The following PLCB1 variants were observed in gnomAD, a reference collection of about 807,000 sequenced individuals.
PLCB1 encodes 1-phosphatidylinositol 4,5-bisphosphate phosphodiesterase beta-1.
Under a neutral mutation model 161.8 loss-of-function variants are expected in PLCB1, and 46 were observed. The ratio of observed to expected loss-of-function variants is 0.28; its 90% CI spans 0.22 to 0.36. The LOEUF (loss-of-function observed/expected upper bound fraction) is 0.36, where lower values mean the gene tolerates loss of function less well. PLCB1 is among the 10% of genes least tolerant of loss of function. The pLI is 1.00. For synonymous variants in PLCB1, 517 were observed against 503.7 expected (o/e 1.03, Z -0.35); for missense variants, 1,016 against 1,472.5 (o/e 0.69, Z 5.07).
chr20:8,799,563 T>G (rs978839505), intron 31 of PLCB1, among the ~76,000 whole-genome samples: 7 of 152,204 alleles, frequency 4.6e-5, no homozygotes, highest in Non-Finnish European at 7.3e-5. Context: ...GTGAAAATTA[T>G]CAAACACACA....
intron 2 of PLCB1, among the ~76,000 whole-genome samples, chr20:8,365,755 T>A (rs1434859452): frequency 6.6e-6 from 1 of 152,184 alleles, no homozygotes; most frequent in Non-Finnish European, 1.5e-5. Context: ...ATACCACACA[T>A]GTATGTGGAG....
intron 26 of PLCB1, 28 bp downstream of exon 26, chr20:8,765,386 T>G: frequency 6.7e-7 from 1 of 1,488,472 alleles, no homozygotes; most frequent in Non-Finnish European, 9.3e-7. Flanking sequence ...TTTTAGTTGG[T>G]TTCATAGCAT....
At position 8,371,350 on chromosome 20, in the gene PLCB1, T is replaced by C. The variant is rs564585161; in HGVS notation, c.178-32T>C. On this transcript the variant is annotated intron_variant, in intron 2 of 31. Transcript: ENST00000338037. Reference sequence around the variant, plus strand: ...AAACAAAGAGGAAAGGTCTGTGTCGTTGCTTAACGATTTCACGTTTTTGCC... The same window carrying C: ...AAACAAAGAGGAAAGGTCTGTGTCGCTGCTTAACGATTTCACGTTTTTGCC... 221 of 1,523,022 alleles carry C rather than the reference T, an allele frequency of 1.5e-4. 1 individual carries two copies. The South Asian group carries it at 2.4e-3, about 17-fold the overall frequency. The allele number at this position is 1,523,022 out of a possible 1,614,324, so 94.3% of individuals were successfully genotyped here. A position where few individuals can be genotyped will look rare whatever the true frequency, so the allele number is the denominator to read the frequency against.
intron 31 of PLCB1, among the ~76,000 whole-genome samples, chr20:8,803,576 G>A (rs780409493): frequency 6.6e-5 from 10 of 151,868 alleles, no homozygotes; most frequent in Non-Finnish European, 1.2e-4. Flanking sequence ...ACCTTGTAAT[G>A]AAGGCCATAT....
chr20:8,785,180 G>T (rs1983423187), intron 27 of PLCB1, among the ~76,000 whole-genome samples: 1 of 152,100 alleles, frequency 6.6e-6, no homozygotes, highest in Admixed American at 6.6e-5. Flanking sequence ...GAAAGGGAAG[G>T]GGCAGAGAGA....
chr20:8,631,441 T>C (rs926607967), intron 4 of PLCB1, among the ~76,000 whole-genome samples: 1 of 152,200 alleles, frequency 6.6e-6, no homozygotes, highest in Non-Finnish European at 1.5e-5. Flanking sequence ...GAGCTTCCAT[T>C]TGGCAGCTTT....
chr20:8,871,515 C>T (rs1005825569), intron 31 of PLCB1, among the ~76,000 whole-genome samples: 2 of 152,232 alleles, frequency 1.3e-5, no homozygotes, highest in Admixed American at 6.5e-5. Flanking sequence ...CACAGTCCAT[C>T]TTGTGTGTGG....
chr20:8,757,249 G>A lies in PLCB1; in HGVS notation c.2656+71G>A, dbSNP rs923827687. On this transcript the variant is annotated intron_variant, in intron 24 of 31. Transcript: ENST00000338037. ...GTTCATTAGTGCCACTGACGGAGGC[G>A]CTGTGATGTGGGTAGCTAAAGCATC... The A allele has an allele frequency of 2.6e-5, 38 of 1,457,178 alleles. No individual in the cohort carries two copies. The Admixed American group carries it at 4.0e-4, about 15-fold the overall frequency. 90.3% of individuals were successfully genotyped at this position (1,457,178 alleles called of 1,614,324 possible). A position where few individuals can be genotyped will look rare whatever the true frequency, so the allele number is the denominator to read the frequency against.
chr20:8,808,338 T>G (rs537360195), intron 31 of PLCB1, among the ~76,000 whole-genome samples: 3 of 152,320 alleles, frequency 2.0e-5, no homozygotes, highest in African/African-American at 7.2e-5. Flanking sequence ...TCAGATGGCC[T>G]TTCTATGCAC....
intron 31 of PLCB1, among the ~76,000 whole-genome samples, chr20:8,863,200 C>A (rs1369809929): frequency 6.6e-6 from 1 of 152,150 alleles, no homozygotes; most frequent in Non-Finnish European, 1.5e-5. Context: ...CAATCATTAG[C>A]TTCAAATTGG....
intron 3 of PLCB1, among the ~76,000 whole-genome samples, chr20:8,553,657 A>T (rs552526131): frequency 6.8e-4 from 103 of 152,270 alleles, no homozygotes; most frequent in African/African-American, 2.3e-3. Flanking sequence ...AAGTAAAGGA[A>T]AATTCAAGCA....
intron 3 of PLCB1, among the ~76,000 whole-genome samples, chr20:8,407,348 A>G (rs1175070645): frequency 6.6e-6 from 1 of 152,148 alleles, no homozygotes; most frequent in Non-Finnish European, 1.5e-5. Flanking sequence ...CTCAGTGGAG[A>G]AACCTGACAA....
chr20:8,334,235 G>T (rs1985481344), intron 2 of PLCB1, among the ~76,000 whole-genome samples: 1 of 151,858 alleles, frequency 6.6e-6, no homozygotes, highest in Non-Finnish European at 1.5e-5. Flanking sequence ...GAAAAGAAAA[G>T]AAAACATTAG....
At chr20:8,706,125 T>C (rs1462537031) in intron 11 of PLCB1, among the ~76,000 whole-genome samples, 2 of 152,206 alleles carry the variant, frequency 1.3e-5, no homozygotes, top group East Asian at 1.9e-4. Context: ...CTGATTGCTA[T>C]TGTTTGGAAT....
At chr20:8,160,338 C>G (rs964020377) in intron 2 of PLCB1, among the ~76,000 whole-genome samples, 1 of 152,178 alleles carries the variant, frequency 6.6e-6, no homozygotes, top group African/African-American at 2.4e-5. Flanking sequence ...AAGTTGCTTC[C>G]CCATTTTTGG....
chr20:8,173,378 C>T (rs1349129230), intron 2 of PLCB1, among the ~76,000 whole-genome samples: 1 of 152,150 alleles, frequency 6.6e-6, no homozygotes, highest in Non-Finnish European at 1.5e-5. Context: ...CTCTCAGGTA[C>T]AGGGACCTCT....
chr20:8,205,379 C>T (rs1600233172), intron 2 of PLCB1, among the ~76,000 whole-genome samples: 1 of 152,234 alleles, frequency 6.6e-6, no homozygotes, highest in African/African-American at 2.4e-5. Flanking sequence ...GATCCAGCTA[C>T]TGATTTATTG....
In PLCB1 at chr20:8,429,562, G is replaced by GTGAATGA. The variant is rs375977505; in HGVS notation, c.246+58115_246+58121dup. On this transcript the variant is annotated intron_variant, in intron 3 of 31. Transcript: ENST00000338037. ...GTCAGAGGTATCCCAACTAACAAGG[G>GTGAATGA]TGAATGATGGTTTGTAAAACTTCAG... Among the ~76,000 whole-genome samples the GTGAATGA allele has an allele frequency of 3.4e-3, 520 of 152,120 alleles. 3 individuals are homozygous for GTGAATGA. The highest frequency in any genetic ancestry group is 0.012 in the African/African-American group (499 of 41,538).
At chr20:8,282,405 G>A (rs1982914322) in intron 2 of PLCB1, among the ~76,000 whole-genome samples, 1 of 152,078 alleles carries the variant, frequency 6.6e-6, no homozygotes. Context: ...AAAAGCCTTT[G>A]GTTCTCAGAT....
Sources: allele counts gnomAD v4.1 joint callset (sites outside exome capture counted in the v4.1 genomes callset), GRCh38; gene constraint gnomAD v4.1.1; transcripts MANE v1.5; gene names NCBI Gene and HGNC (gene_info 2026-07-23, HGNC 2026-07-21).